Variants in STIL observed in about 807,000 individuals in gnomAD.
STIL encodes SCL-interrupting locus protein.
Under a neutral mutation model 110.1 loss-of-function variants are expected in STIL, and 55 were observed. The ratio of observed to expected loss-of-function variants is 0.50; its 90% confidence interval spans 0.40 to 0.63. The LOEUF (loss-of-function observed/expected upper bound fraction) is 0.63. Among genes scored for constraint, STIL ranks in the 20% least tolerant of loss-of-function variants. The pLI, the probability that STIL is intolerant of heterozygous loss-of-function variation, is 0.00. For synonymous variants in STIL, 481 were observed against 530.0 expected, an observed-to-expected ratio of 0.91 and a Z score of 1.27; for missense variants, 1,358 against 1,530.0, an observed-to-expected ratio of 0.89 and a Z score of 1.87.
chr1:47,258,534 G>A (rs1048704775), intron 16 of STIL, among the ~76,000 whole-genome samples: 3 of 151,996 alleles, frequency 2.0e-5, no homozygotes, highest in Non-Finnish European at 4.4e-5. Context: ...TCCCTATAAG[G>A]AAAAGTATCC....
chr1:47,275,649 G>A (rs1225656350), intron 12 of STIL, among the ~76,000 whole-genome samples: 1 of 151,700 alleles, frequency 6.6e-6, no homozygotes, highest in Non-Finnish European at 1.5e-5. Context: ...TTTTAAGACA[G>A]GATCTTACTC....
intron 12 of STIL, among the ~76,000 whole-genome samples, chr1:47,275,688 G>A (rs932665185): frequency 2.0e-5 from 3 of 152,058 alleles, no homozygotes; most frequent in East Asian, 1.9e-4. Flanking sequence ...ACAGTGGCAC[G>A]GTCTTGGCTC....
intron 1 of STIL, among the ~76,000 whole-genome samples, chr1:47,313,374 T>C (rs1472346728): frequency 6.6e-6 from 1 of 152,090 alleles, no homozygotes; most frequent in Non-Finnish European, 1.5e-5. Flanking sequence ...GGCTCTTCTT[T>C]ACATACAGAA....
Position 47,270,253 on chromosome 1 carries a change from TATAC to T in STIL, c.2384-391_2384-388del, listed in dbSNP as rs1415743387. On this transcript the variant is annotated intron_variant, in intron 13 of 16. Coordinates refer to ENST00000371877, the MANE Select transcript of STIL (RefSeq NM_001048166.1). ...AAAAAAAAAAAAAAATATATATATA[TATAC>T]ACACACACACACACACACACACACA... Among the ~76,000 whole-genome samples the T allele has an allele frequency of 7.7e-4, 91 of 118,230 alleles. 1 individual carries two copies. Among genetic ancestry groups the T allele is most frequent in the South Asian group, 4.5e-3 (16 of 3,554 alleles). 77.6% of individuals were successfully genotyped at this position (118,230 alleles called of 152,430 possible).
intron 16 of STIL, among the ~76,000 whole-genome samples, chr1:47,257,708 G>T (rs1644365563): frequency 6.6e-6 from 1 of 152,010 alleles, no homozygotes; most frequent in African/African-American, 2.4e-5. Flanking sequence ...AATTAAGTTA[G>T]CTACCTTTCC....
At position 47,263,100 on chromosome 1, in the gene STIL, C is replaced by G. The variant is rs774617623; in HGVS notation, c.2632G>C (p.Val878Leu). 1 of 1,613,946 alleles carries G rather than the reference C, an allele frequency of 6.2e-7. No homozygotes were observed. The highest frequency in any genetic ancestry group is 8.5e-7 in the Non-Finnish European group (1 of 1,179,962). Residue 878 changes from valine (V) to leucine (L), a missense_variant, in exon 15 of 17, where the codon GTG becomes CTG. Val to Leu is a conservative substitution (Grantham distance 32). Coordinates refer to ENST00000371877, the MANE Select transcript of STIL (RefSeq NM_001048166.1). ...ACAGGTACATCAGGTTCTTTTCTCA[C>G]AACTAGAGAAGAGCTGCTGGGAAGG... ...LSVSNSSSLV[V>L]RKEPDVPVFF...
chr1:47,297,664 T>G (rs1053475235), intron 6 of STIL, among the ~76,000 whole-genome samples: 1 of 152,090 alleles, frequency 6.6e-6, no homozygotes, highest in Non-Finnish European at 1.5e-5. Flanking sequence ...TGTAGCTTAC[T>G]GCAGCCTTGA....
intron 12 of STIL, among the ~76,000 whole-genome samples, chr1:47,276,880 T>C (rs1169801320): frequency 6.7e-6 from 1 of 149,412 alleles, no homozygotes; most frequent in Non-Finnish European, 1.5e-5. Context: ...TTGCCTAATG[T>C]TGGACATGTA....
intron 2 of STIL, among the ~76,000 whole-genome samples, chr1:47,307,912 T>G (rs540800909): frequency 6.6e-6 from 1 of 152,210 alleles, no homozygotes; most frequent in East Asian, 1.9e-4. Context: ...AGAGGTGAAA[T>G]AAACTCCAGT....
chr1:47,285,048 G>A (rs1324656894), intron 10 of STIL, among the ~76,000 whole-genome samples: 3 of 135,338 alleles, frequency 2.2e-5, no homozygotes, highest in Non-Finnish European at 4.6e-5. Flanking sequence ...CTTTGAGACA[G>A]GGTCTCATTT....
At chr1:47,306,759 G>T (rs1049618785) in intron 2 of STIL, among the ~76,000 whole-genome samples, 2 of 152,150 alleles carry the variant, frequency 1.3e-5, no homozygotes, top group Non-Finnish European at 2.9e-5. Flanking sequence ...AGATGCCAGG[G>T]GCAGTGTAAA....
intron 9 of STIL, among the ~76,000 whole-genome samples, chr1:47,288,822 G>A (rs1354683456): frequency 6.7e-6 from 1 of 149,724 alleles, no homozygotes; most frequent in Non-Finnish European, 1.5e-5. Context: ...TTAGGCAGGT[G>A]GATCACCTAA....
chr1:47,255,613 T>C (rs994705274), intron 16 of STIL, among the ~76,000 whole-genome samples: 5 of 151,758 alleles, frequency 3.3e-5, no homozygotes, highest in Admixed American at 2.0e-4. Context: ...ATTAGTTATC[T>C]ACTACTTATC....
At chr1:47,271,946 A>T in intron 13 of STIL, 130 bp downstream of exon 13, 1 of 877,264 alleles carries the variant, frequency 1.1e-6, no homozygotes, top group Non-Finnish European at 1.8e-6. Context: ...ACAAAAACTT[A>T]AGTCATACTC....
chr1:47,312,497 G>A (rs1468423889), intron 1 of STIL, among the ~76,000 whole-genome samples: 1 of 151,844 alleles, frequency 6.6e-6, no homozygotes, highest in African/African-American at 2.4e-5. Flanking sequence ...AGAAATATCT[G>A]GACTTAAAAG....
chr1:47,264,400 C>G (rs940606763), intron 14 of STIL, among the ~76,000 whole-genome samples: 1 of 152,080 alleles, frequency 6.6e-6, no homozygotes, highest in Non-Finnish European at 1.5e-5. Context: ...CAAATCTCAA[C>G]AAAAGATTTA....
In STIL at chr1:47,269,763, G is replaced by A. The variant is rs536823173; in HGVS notation, c.2487C>T (p.Val829=). ...GACTTGTGACTTCATTATTAATATC[G>A]ACAGAAAAATTCATGTCCTCACTGG... ...KISSEDMNFS[V]DINNEVTSLP... The change falls in exon 14 of 17, where the codon GTC becomes GTT. Residue 829 remains valine (V), a synonymous_variant. Transcript: ENST00000371877. 9.3e-6 allele frequency: 15 copies of A among 1,614,018 alleles called. No individual in the cohort carries two copies. The highest frequency in any genetic ancestry group is 6.7e-5 in the African/African-American group (5 of 74,978).
intron 13 of STIL, 118 bp downstream of exon 13, chr1:47,271,958 C>A (rs1467213731): frequency 1.9e-6 from 2 of 1,032,630 alleles, no homozygotes; most frequent in African/African-American, 1.6e-5. Flanking sequence ...GTCATACTCT[C>A]ATCACCTTGG....
chr1:47,267,461 T>A (rs995325389), intron 14 of STIL, among the ~76,000 whole-genome samples: 5 of 151,864 alleles, frequency 3.3e-5, no homozygotes, highest in Admixed American at 3.3e-4. Context: ...TCCCAACAAT[T>A]TGAAAGGCCG....
Sources: gnomAD v4.1 joint callset for allele counts (sites outside exome capture counted in the v4.1 genomes callset) on GRCh38, gnomAD v4.1.1 for gene constraint, MANE v1.5 for transcripts, NCBI Gene and HGNC (gene_info 2026-07-23, HGNC 2026-07-21) for gene names.